PLXDC2: variants seen among roughly 807,000 people sequenced by gnomAD.
The protein encoded by PLXDC2 is plexin domain containing 2.
Under a neutral mutation model 68.9 loss-of-function variants are expected in PLXDC2, and 40 were observed. The observed-to-expected ratio is 0.58, with a 90% CI of 0.45 to 0.76. The LOEUF (loss-of-function observed/expected upper bound fraction) is 0.76, where lower values mean the gene tolerates loss of function less well. PLXDC2 is among the 30% of genes least tolerant of loss of function. PLXDC2 has a pLI of 0.00. For missense variants in PLXDC2, 644 were observed against 661.9 expected, an observed-to-expected ratio of 0.97 and a Z score of 0.30; for synonymous variants, 243 against 234.2, an observed-to-expected ratio of 1.04 and a Z score of -0.34.
At chr10:19,851,421 T>A (rs899232157) in intron 1 of PLXDC2, among the ~76,000 whole-genome samples, 1 of 152,224 alleles carries the variant, frequency 6.6e-6, no homozygotes, top group South Asian at 2.1e-4. Flanking sequence ...CCTCCTCACA[T>A]GTTTTAGTAC....
At chr10:19,912,070 G>A (rs1355886025) in intron 1 of PLXDC2, among the ~76,000 whole-genome samples, 1 of 152,114 alleles carries the variant, frequency 6.6e-6, no homozygotes, top group Non-Finnish European at 1.5e-5. Flanking sequence ...GATTCCACAT[G>A]TTACTTTCAA....
At position 20,278,105 on chromosome 10, in the gene PLXDC2, C is replaced by G. The variant is rs534739391; in HGVS notation, c.1474-1598C>G. Among the ~76,000 whole-genome samples, 5 of 152,262 alleles carry G rather than the reference C, an allele frequency of 3.3e-5. No homozygotes were observed. The South Asian group carries it at 1.0e-3, about 32-fold the overall frequency. On this transcript the variant is annotated intron_variant, in intron 13 of 13. Transcript: ENST00000377252. Reference sequence around the variant, plus strand: ...TCCATTCATCTGTTGATGGACACTTCAGTTACTTCCAAATCTTGGCTACTG... The same window carrying G: ...TCCATTCATCTGTTGATGGACACTTGAGTTACTTCCAAATCTTGGCTACTG...
chr10:19,873,962 T>A (rs1389453015), intron 1 of PLXDC2, among the ~76,000 whole-genome samples: 1 of 152,182 alleles, frequency 6.6e-6, no homozygotes, highest in African/African-American at 2.4e-5. Context: ...GAGGCCAGAT[T>A]TCCATACTCT....
intron 1 of PLXDC2, among the ~76,000 whole-genome samples, chr10:19,933,081 G>C (rs1269524895): frequency 3.9e-5 from 6 of 152,170 alleles, no homozygotes; most frequent in Non-Finnish European, 8.8e-5. Flanking sequence ...TGCAAGTGTT[G>C]TTAGTTAGGC....
At chr10:19,979,690 T>G (rs549443991) in intron 1 of PLXDC2, among the ~76,000 whole-genome samples, 50 of 152,304 alleles carry the variant, frequency 3.3e-4, no homozygotes, top group South Asian at 1.5e-3. Context: ...TTTTTCAAAT[T>G]ATCACCTGAG....
At chr10:20,174,202 A>G (rs1403137094) in intron 7 of PLXDC2, among the ~76,000 whole-genome samples, 3 of 152,100 alleles carry the variant, frequency 2.0e-5, no homozygotes, top group African/African-American at 7.2e-5. Flanking sequence ...TTATTTATTG[A>G]TAAGAACTTA....
chr10:20,044,211 G>GTCTTTCTGTCTTTCTT (rs1835743053), intron 2 of PLXDC2, among the ~76,000 whole-genome samples: 1 of 68,548 alleles, frequency 1.5e-5, no homozygotes, highest in Non-Finnish European at 3.0e-5. Flanking sequence ...CTCTCTCTCT[G>GTCTTTCTGTCTTTCTT]TCTTTCTTTC....
At chr10:19,906,242 G>T (rs1035617073) in intron 1 of PLXDC2, among the ~76,000 whole-genome samples, 1 of 152,096 alleles carries the variant, frequency 6.6e-6, no homozygotes, top group Non-Finnish European at 1.5e-5. Context: ...CAGGCACAGG[G>T]TGGCCAGTGG....
At chr10:19,999,836 AG>A (rs1834903802) in intron 1 of PLXDC2, among the ~76,000 whole-genome samples, 1 of 152,220 alleles carries the variant, frequency 6.6e-6, no homozygotes, top group Non-Finnish European at 1.5e-5. Context: ...TAGGTCTCAG[AG>A]CCTGACACAT....
At chr10:19,944,375 T>C (rs557148514) in intron 1 of PLXDC2, among the ~76,000 whole-genome samples, 2 of 152,132 alleles carry the variant, frequency 1.3e-5, no homozygotes, top group South Asian at 4.1e-4. Flanking sequence ...GAATGTATGT[T>C]TCCTTGTCTG....
chr10:19,933,891 G>A (rs974282831), intron 1 of PLXDC2, among the ~76,000 whole-genome samples: 1 of 150,366 alleles, frequency 6.7e-6, no homozygotes, highest in African/African-American at 2.5e-5. Context: ...AAAAAAGGAA[G>A]GAAAGAGAAA....
intron 1 of PLXDC2, among the ~76,000 whole-genome samples, chr10:19,965,421 G>A (rs575244064): frequency 1.3e-5 from 2 of 152,210 alleles, no homozygotes; most frequent in South Asian, 2.1e-4. Context: ...ATGTGCCTTT[G>A]GTCCCAAGGC....
chr10:20,125,933 CAT>C (rs3048906), intron 4 of PLXDC2, among the ~76,000 whole-genome samples: 39,988 of 146,336 alleles, frequency 0.27, 5,777 homozygotes, highest in East Asian at 0.49. Context: ...GAGAAATGAA[CAT>C]ATATATATAT....
At chr10:20,152,788 C>A (rs902306848) in intron 6 of PLXDC2, among the ~76,000 whole-genome samples, 2 of 151,958 alleles carry the variant, frequency 1.3e-5, no homozygotes, top group African/African-American at 4.8e-5. Flanking sequence ...GATTTTCATT[C>A]ATTGGTCATA....
intron 6 of PLXDC2, among the ~76,000 whole-genome samples, chr10:20,155,047 C>G (rs1834200294): frequency 6.6e-6 from 1 of 152,078 alleles, no homozygotes; most frequent in African/African-American, 2.4e-5. Context: ...ACTTTTTAAT[C>G]TATTCTATTT....
At chr10:19,918,871 T>G (rs1833413781) in intron 1 of PLXDC2, among the ~76,000 whole-genome samples, 1 of 152,214 alleles carries the variant, frequency 6.6e-6, no homozygotes, top group African/African-American at 2.4e-5. Context: ...GTTAAGAAGT[T>G]ATTTCATCAT....
intron 1 of PLXDC2, among the ~76,000 whole-genome samples, chr10:19,892,168 A>G (rs1837974189): frequency 6.6e-6 from 1 of 152,238 alleles, no homozygotes; most frequent in African/African-American, 2.4e-5. Flanking sequence ...ATAATACTTA[A>G]TAAATACTTA....
At chr10:20,051,329 C>A (rs1835894936) in intron 3 of PLXDC2, among the ~76,000 whole-genome samples, 1 of 149,182 alleles carries the variant, frequency 6.7e-6, no homozygotes, top group African/African-American at 2.5e-5. Context: ...ACAACAAATT[C>A]CTATAACATC....
intron 4 of PLXDC2, among the ~76,000 whole-genome samples, chr10:20,086,326 C>T (rs1483537695): frequency 6.7e-6 from 1 of 150,320 alleles, no homozygotes; most frequent in Non-Finnish European, 1.5e-5. Context: ...CACCTGACTA[C>T]TTTATTTTAT....
Sources: gnomAD v4.1 joint callset for allele counts (sites outside exome capture counted in the v4.1 genomes callset) on GRCh38, gnomAD v4.1.1 for gene constraint, MANE v1.5 for transcripts, NCBI Gene and HGNC (gene_info 2026-07-23, HGNC 2026-07-21) for gene names.